Variants in ZDHHC17 observed in about 807,000 individuals in gnomAD.
ZDHHC17 encodes zDHHC palmitoyltransferase 17, also known as palmitoyltransferase ZDHHC17.
Under a neutral mutation model 90.3 loss-of-function variants are expected in ZDHHC17, and 40 were observed. The observed-to-expected ratio is 0.44, with a 90% CI of 0.34 to 0.58. The LOEUF is 0.58. ZDHHC17 is among the 20% of genes least tolerant of loss of function. ZDHHC17 has a pLI of 0.01. For missense variants in ZDHHC17, 614 were observed against 780.8 expected (o/e 0.79, Z 2.55); for synonymous variants, 235 against 252.4 (o/e 0.93, Z 0.65).
chr12:76,786,744 C>G (rs1952692409), intron 1 of ZDHHC17, among the ~76,000 whole-genome samples: 1 of 151,336 alleles, frequency 6.6e-6, no homozygotes, highest in Admixed American at 6.6e-5. Context: ...GTAAATAGCA[C>G]AGGAAAGGTG....
chr12:76,831,350 T>C (rs979151214), intron 10 of ZDHHC17, among the ~76,000 whole-genome samples: 4 of 152,080 alleles, frequency 2.6e-5, no homozygotes, highest in African/African-American at 9.7e-5. Context: ...TTTTGTTTTG[T>C]TTTGTTTTGT....
chr12:76,813,102 T>C (rs1953044995), intron 5 of ZDHHC17, among the ~76,000 whole-genome samples: 1 of 152,132 alleles, frequency 6.6e-6, no homozygotes, highest in Admixed American at 6.6e-5. Flanking sequence ...ATATTTTTAA[T>C]ACTATCATTT....
At chr12:76,812,262 C>T (rs1439595839) in intron 5 of ZDHHC17, among the ~76,000 whole-genome samples, 1 of 152,082 alleles carries the variant, frequency 6.6e-6, no homozygotes, top group Non-Finnish European at 1.5e-5. Context: ...CCCTGGATAC[C>T]TTTGAGCTCC....
chr12:76,776,685 T>G (rs1032403678), intron 1 of ZDHHC17, among the ~76,000 whole-genome samples: 2 of 152,224 alleles, frequency 1.3e-5, no homozygotes, highest in African/African-American at 2.4e-5. Context: ...AATTTAAAAT[T>G]CAGTTTTTCA....
chr12:76,768,434 A>G (rs555354120), intron 1 of ZDHHC17, among the ~76,000 whole-genome samples: 158 of 152,350 alleles, frequency 1.0e-3, no homozygotes, highest in African/African-American at 3.7e-3. Flanking sequence ...GCATCTGTCT[A>G]CTAGGTACGT....
chr12:76,764,298 A>C lies in ZDHHC17; in HGVS notation c.62A>C (p.Glu21Ala), dbSNP rs1952400915. 2 of 1,605,798 alleles carry C rather than the reference A, an allele frequency of 1.2e-6. No individual in the cohort carries two copies. The highest frequency in any genetic ancestry group is 1.7e-6 in the Non-Finnish European group (2 of 1,176,346). ...GACGGCCCGGATGAGTACGATACCG[A>C]AGCGGGCTGTGTGCCCCTTCTCCAC... ...MADGPDEYDT[E>A]AGCVPLLHPE... The change falls in exon 1 of 17, where the codon GAA becomes GCA. Residue 21 changes from glutamate to alanine, a missense_variant. Glu to Ala is a moderately radical substitution (Grantham distance 107). Around this residue, in one of 5 missense-constraint regions of ZDHHC17, gnomAD observed 358 missense variants for 380.4 expected, o/e 0.94. Transcript: ENST00000426126.
intron 1 of ZDHHC17, among the ~76,000 whole-genome samples, chr12:76,790,495 C>CT (rs2137736403): frequency 6.6e-6 from 1 of 152,244 alleles, no homozygotes; most frequent in East Asian, 1.9e-4. Context: ...GAGCGAGACT[C>CT]TGTCTCTAAA....
chr12:76,816,628 A>G (rs747792533), intron 7 of ZDHHC17, among the ~76,000 whole-genome samples: 19 of 151,968 alleles, frequency 1.3e-4, no homozygotes, highest in Admixed American at 2.6e-4. Flanking sequence ...ATTAAATATG[A>G]AGGGGGTTCA....
intron 2 of ZDHHC17, 112 bp from the exon 3 acceptor site, chr12:76,805,205 C>A: frequency 9.7e-7 from 1 of 1,028,342 alleles, no homozygotes; most frequent in Non-Finnish European, 1.4e-6. Context: ...TTGAGAAATA[C>A]ATTTTAATTT....
rs192216164 is a variant in ZDHHC17 at position 76,801,700 on chromosome 12, A to T, written c.198-3617A>T. Among the ~76,000 whole-genome samples, 822 of 152,308 alleles carry T rather than the reference A, an allele frequency of 5.4e-3. 4 individuals are homozygous for T. Among genetic ancestry groups the T allele is most frequent in the Non-Finnish European group, 9.7e-3 (659 of 68,018 alleles). ...AAAGTTATAACACTAATTTGAATTT[A>T]TGTTACTGAATTTATACAGATTAAT... is the stretch of plus-strand genomic sequence containing the variant. On this transcript the variant is annotated intron_variant, in intron 2 of 16. Transcript: ENST00000426126.
chr12:76,767,030 A>AAAAAG (rs1268991600), intron 1 of ZDHHC17, among the ~76,000 whole-genome samples: 1 of 151,740 alleles, frequency 6.6e-6, no homozygotes, highest in African/African-American at 2.4e-5. Context: ...AAAAAAAAAA[A>AAAAAG]AAAAGAAAAG....
chr12:76,815,110 T>TA, intron 5 of ZDHHC17, 36 bp from the exon 6 acceptor site: 1 of 1,491,124 alleles, frequency 6.7e-7, no homozygotes. Context: ...AACTTATAAT[T>TA]TAACTGTCTG....
intron 1 of ZDHHC17, among the ~76,000 whole-genome samples, chr12:76,793,941 A>C (rs539698376): frequency 1.3e-5 from 2 of 152,282 alleles, no homozygotes; most frequent in East Asian, 3.9e-4. Context: ...GCTGGAGCAC[A>C]GTGGCGCGAT....
intron 9 of ZDHHC17, 97 bp downstream of exon 9, chr12:76,827,147 T>A: frequency 1.6e-6 from 2 of 1,287,982 alleles, no homozygotes; most frequent in South Asian, 1.7e-5. Flanking sequence ...GTACATTTGA[T>A]CTTAATTTAT....
chr12:76,825,164 A>G (rs912302199), intron 8 of ZDHHC17, among the ~76,000 whole-genome samples: 6 of 152,178 alleles, frequency 3.9e-5, no homozygotes, highest in African/African-American at 1.4e-4. Flanking sequence ...TGGTTGTGAC[A>G]TGCTACTGTT....
intron 7 of ZDHHC17, among the ~76,000 whole-genome samples, chr12:76,817,344 CT>C (rs550244904): frequency 6.6e-6 from 1 of 151,824 alleles, no homozygotes; most frequent in Non-Finnish European, 1.5e-5. Flanking sequence ...AGTGTTACTA[CT>C]TTTTTTTATC....
Position 76,830,187 on chromosome 12 carries a change from A to T in ZDHHC17, c.1141+1697A>T, listed in dbSNP as rs563107796. 3.9e-5 allele frequency among the ~76,000 whole-genome samples: 6 copies of T among 152,318 alleles called. No homozygotes were observed. The South Asian group carries it at 1.2e-3, about 32-fold the overall frequency. ...CAAAACATTACAAAAAGTATATGAT[A>T]TGTTTTAAATGATATGCAGCTTTTG... On this transcript the variant is annotated intron_variant, in intron 10 of 16. Transcript: ENST00000426126.
intron 1 of ZDHHC17, among the ~76,000 whole-genome samples, chr12:76,787,665 G>T (rs150496080): frequency 2.0e-5 from 3 of 151,806 alleles, no homozygotes; most frequent in African/African-American, 7.3e-5. Context: ...GTGTGCGCGC[G>T]CAGGAGAGTT....
chr12:76,848,281 C>T lies in ZDHHC17; in HGVS notation c.1556C>T (p.Thr519Ile), dbSNP rs964317726. ...ACTTACACCAAGGATGGATTTTGGA[C>T]ATACATTACTCAGATTGCCACGTGT... ...ETTYTKDGFW[T>I]YITQIATCSP... Residue 519 changes from threonine (T) to isoleucine (I), a missense_variant, in exon 15 of 17, where the codon ACA becomes ATA. Physicochemically the swap from Thr to Ile is moderately conservative, Grantham distance 89 (BLOSUM62 -1). This residue lies in a region of ZDHHC17 where 111 missense variants were observed against 179.8 expected (regional missense o/e 0.62). Coordinates refer to ENST00000426126, the MANE Select transcript of ZDHHC17 (RefSeq NM_015336.4). The T allele has an allele frequency of 1.2e-6, 2 of 1,613,924 alleles. No individual in the cohort carries two copies. Among genetic ancestry groups the T allele is most frequent in the Non-Finnish European group, 1.7e-6 (2 of 1,179,866 alleles).
Sources: allele counts gnomAD v4.1 joint callset (sites outside exome capture counted in the v4.1 genomes callset), GRCh38; gene constraint gnomAD v4.1.1; regional missense constraint gnomAD v4.1.1; transcripts MANE v1.5; gene names NCBI Gene and HGNC (gene_info 2026-07-23, HGNC 2026-07-21).